Variants in TNFRSF21 observed in about 807,000 individuals in gnomAD.
TNFRSF21 encodes the protein tumor necrosis factor receptor superfamily member 21.
Under a neutral mutation model 45.6 loss-of-function variants are expected in TNFRSF21, and 19 were observed. That is an observed-to-expected ratio of 0.42 (90% confidence interval 0.29 to 0.61). The LOEUF is 0.61. Ranked by LOEUF, TNFRSF21 falls within the 20% of genes least tolerant of loss-of-function variation. The pLI is 0.23. For missense variants in TNFRSF21, 737 were observed against 851.5 expected, an observed-to-expected ratio of 0.87 and a Z score of 1.67; for synonymous variants, 314 against 335.5, an observed-to-expected ratio of 0.94 and a Z score of 0.70.
At chr6:47,285,814 A>T in intron 2 of TNFRSF21, 130 bp downstream of exon 2, 1 of 1,003,184 alleles carries the variant, frequency 1.0e-6, no homozygotes, top group Non-Finnish European at 1.4e-6. Flanking sequence ...CCACCATATG[A>T]AGGCCTCTCT....
intron 3 of TNFRSF21, among the ~76,000 whole-genome samples, chr6:47,263,573 T>C (rs987436551): frequency 6.6e-6 from 1 of 151,838 alleles, no homozygotes; most frequent in African/African-American, 2.4e-5. Flanking sequence ...ACCAGGACAA[T>C]GTGGTATTTT....
intron 1 of TNFRSF21, among the ~76,000 whole-genome samples, chr6:47,292,121 G>T (rs527370071): frequency 1.3e-5 from 2 of 152,258 alleles, no homozygotes; most frequent in South Asian, 4.1e-4. Flanking sequence ...CCATTCAAAA[G>T]TGGCATTTAA....
chr6:47,235,589 G>A (rs754980073), intron 4 of TNFRSF21, among the ~76,000 whole-genome samples: 16 of 152,182 alleles, frequency 1.1e-4, no homozygotes, highest in Non-Finnish European at 2.4e-4. Context: ...TGTTACTGCA[G>A]TGCTTGCTGA....
intron 3 of TNFRSF21, among the ~76,000 whole-genome samples, chr6:47,265,452 A>G (rs371481426): frequency 3.3e-5 from 5 of 152,290 alleles, no homozygotes; most frequent in African/African-American, 1.2e-4. Context: ...AGTAATTTAT[A>G]GGAAAATCCA....
intron 3 of TNFRSF21, among the ~76,000 whole-genome samples, chr6:47,265,500 C>G (rs1762319233): frequency 1.3e-5 from 2 of 152,144 alleles, no homozygotes; most frequent in South Asian, 4.1e-4. Flanking sequence ...AGCATCAGAT[C>G]AGTGCCTGAC....
At position 47,293,937 on chromosome 6, in the gene TNFRSF21, T is replaced by C. The variant is rs1189563667; in HGVS notation, c.97-7342A>G. Among the ~76,000 whole-genome samples the C allele has an allele frequency of 3.3e-5, 5 of 152,236 alleles. No homozygotes were observed. The East Asian group carries it at 9.6e-4, about 29-fold the overall frequency. On this transcript the variant is annotated intron_variant, in intron 1 of 5. Coordinates refer to ENST00000296861, the MANE Select transcript of TNFRSF21 (RefSeq NM_014452.5). ...TTTCTGTTTAGCATGTCTTCCCCTG[T>C]GGATCACAAGCTCCATGTGGACAAG...
intron 1 of TNFRSF21, among the ~76,000 whole-genome samples, chr6:47,287,116 T>C (rs1227724706): frequency 6.6e-6 from 1 of 151,998 alleles, no homozygotes; most frequent in Non-Finnish European, 1.5e-5. Flanking sequence ...GAGACCAGCC[T>C]GGCTGACATG....
chr6:47,238,018 C>A (rs1764684485), intron 4 of TNFRSF21, among the ~76,000 whole-genome samples: 1 of 152,016 alleles, frequency 6.6e-6, no homozygotes, highest in Admixed American at 6.5e-5. Context: ...CCACTGCCCT[C>A]CAGCCTGGAC....
At chr6:47,248,993 G>C (rs1048411222) in intron 4 of TNFRSF21, among the ~76,000 whole-genome samples, 1 of 152,186 alleles carries the variant, frequency 6.6e-6, no homozygotes, top group Admixed American at 6.5e-5. Context: ...AACTGAGGCA[G>C]AGAGGCCAAG....
chr6:47,233,637 ATATAT>A (rs1213248043), intron 5 of TNFRSF21, among the ~76,000 whole-genome samples: 8 of 150,214 alleles, frequency 5.3e-5, no homozygotes, highest in African/African-American at 1.2e-4. Flanking sequence ...TTTTTCTAAA[ATATAT>A]TATATAACAT....
intron 3 of TNFRSF21, among the ~76,000 whole-genome samples, chr6:47,275,472 G>C (rs1045727177): frequency 1.4e-4 from 21 of 152,124 alleles, no homozygotes; most frequent in African/African-American, 5.1e-4. Context: ...CTTGGACACA[G>C]GGTGGGGAAC....
chr6:47,241,253 C>A (rs6903150), intron 4 of TNFRSF21, among the ~76,000 whole-genome samples: 1 of 151,900 alleles, frequency 6.6e-6, no homozygotes, highest in Admixed American at 6.6e-5. Context: ...TTACCAGCCT[C>A]ATCACAAAAC....
chr6:47,237,985 G>A (rs1764684000), intron 4 of TNFRSF21, among the ~76,000 whole-genome samples: 6 of 152,156 alleles, frequency 3.9e-5, no homozygotes, highest in Admixed American at 3.9e-4. Context: ...GGGAGGTGGA[G>A]GTTGCAGTGA....
At chr6:47,272,883 C>T (rs1285318912) in intron 3 of TNFRSF21, among the ~76,000 whole-genome samples, 1 of 152,194 alleles carries the variant, frequency 6.6e-6, no homozygotes, top group Non-Finnish European at 1.5e-5. Context: ...ATACTATAAA[C>T]ACCTCTATGC....
At chr6:47,265,672 T>C (rs550789303) in intron 3 of TNFRSF21, among the ~76,000 whole-genome samples, 3 of 152,212 alleles carry the variant, frequency 2.0e-5, no homozygotes, top group African/African-American at 7.2e-5. Flanking sequence ...GACATGGCAC[T>C]CAGGAAGCAT....
At chr6:47,302,929 A>T (rs10948345) in intron 1 of TNFRSF21, among the ~76,000 whole-genome samples, 60,998 of 151,998 alleles carry the variant, frequency 0.4, 13,504 homozygotes, top group African/African-American at 0.59. Context: ...TACTACCTCA[A>T]AGACTTGTCA....
chr6:47,234,692 C>A lies in TNFRSF21; in HGVS notation c.1716G>T (p.Arg572Ser), dbSNP rs1764637384. 1 of 1,610,336 alleles carries A rather than the reference C, an allele frequency of 6.2e-7. No homozygotes were observed. The highest frequency in any genetic ancestry group is 1.1e-5 in the South Asian group (1 of 90,204). ...TACCTTTGGTAATAAAGGAACCGTT[C>A]CTGCTCAGCGCGGAGGAGCCGCTGG... ...STSSGSSALS[R>S]NGSFITKEKK... The change falls in exon 5 of 6, where the codon AGG (arginine) becomes AGT (serine). Residue 572 changes from arginine (R) to serine (S), a missense_variant. Transcript: ENST00000296861.
Position 47,286,154 on chromosome 6 carries a change from G to T in TNFRSF21, c.538C>A (p.Pro180Thr), listed in dbSNP as rs1343290888. 3.1e-6 allele frequency: 5 copies of T among 1,614,174 alleles called. No homozygotes were observed. ...QCARGTFSDV[P>T]SSVMKCKAYT... ...GCTTTGCATTTCATCACACTAGAAG[G>T]CACATCTGAGAAGGTACCCCGAGCA... is the stretch of plus-strand genomic sequence containing the variant. Residue 180 changes from proline (P) to threonine (T), a missense_variant, in exon 2 of 6, where the codon CCT becomes ACT. Transcript: ENST00000296861.
chr6:47,285,835 A>T, intron 2 of TNFRSF21, 109 bp downstream of exon 2: 1 of 1,249,708 alleles, frequency 8.0e-7, no homozygotes, highest in East Asian at 2.5e-5. Context: ...CCAAGGGGTG[A>T]CTTTGGAATA....
Sources: allele counts gnomAD v4.1 joint callset (sites outside exome capture counted in the v4.1 genomes callset), GRCh38; gene constraint gnomAD v4.1.1; transcripts MANE v1.5; gene names NCBI Gene and HGNC (gene_info 2026-07-23, HGNC 2026-07-21).